The following MAPKAP1 variants were observed in gnomAD, a reference collection of about 807,000 sequenced individuals.
The protein encoded by MAPKAP1 is target of rapamycin complex 2 subunit MAPKAP1.
MAPKAP1 carries 20 observed loss-of-function variants against 65.7 expected under a neutral mutation model. The ratio of observed to expected loss-of-function variants is 0.30; its 90% CI spans 0.21 to 0.44. The LOEUF (loss-of-function observed/expected upper bound fraction) is 0.44. Ranked by LOEUF, MAPKAP1 falls within the 20% of genes least tolerant of loss-of-function variation. The pLI, the probability that MAPKAP1 is intolerant of heterozygous loss-of-function variation, is 1.00. For missense variants in MAPKAP1, 423 were observed against 648.0 expected (o/e 0.65, Z 3.77); for synonymous variants, 222 against 244.3 (o/e 0.91, Z 0.85).
chr9:125,585,625 C>T lies in MAPKAP1; in HGVS notation c.601G>A (p.Ala201Thr), dbSNP rs377752331. Residue 201 changes from alanine to threonine, a missense_variant, in exon 5 of 12, where the codon GCC becomes ACC. By Grantham distance (58) the Ala-to-Thr change is moderately conservative. Transcript: ENST00000265960. ...AGCCCGATCAGGTCCTGCACCCTGG[C>T]GCTGGCCATTGTCACCACGGTCATT... ...LPMTVVTMAS[A>T]RVQDLIGLIC... is the part of the protein sequence containing the mutation. 11 of 1,614,122 alleles carry T rather than the reference C, an allele frequency of 6.8e-6. No homozygotes were observed. The highest frequency in any genetic ancestry group is 2.7e-5 in the African/African-American group (2 of 74,942).
In MAPKAP1 at chr9:125,580,303, T is replaced by C. The variant is rs9695937; in HGVS notation, c.671+5252A>G. The stretch of plus-strand genomic sequence containing the variant: ...AATCAACTCAAATGTCCATCAATGA[T>C]AGACTGGATTAAGAAAATGTGGCAC... On this transcript the variant is annotated intron_variant, in intron 5 of 11. Coordinates refer to ENST00000265960, the MANE Select transcript of MAPKAP1 (RefSeq NM_001006617.3). Among the ~76,000 whole-genome samples, 945 of 152,236 alleles carry C rather than the reference T, an allele frequency of 6.2e-3. 17 individuals are homozygous for C. The highest frequency in any genetic ancestry group is 0.022 in the African/African-American group (909 of 41,530).
intron 2 of MAPKAP1, among the ~76,000 whole-genome samples, chr9:125,670,284 T>A (rs1225375854): frequency 6.6e-6 from 1 of 152,074 alleles, no homozygotes; most frequent in Non-Finnish European, 1.5e-5. Flanking sequence ...AGGAATAAAA[T>A]TACTGTTATG....
intron 4 of MAPKAP1, among the ~76,000 whole-genome samples, chr9:125,636,385 T>C (rs1225766224): frequency 1.3e-5 from 2 of 151,980 alleles, no homozygotes; most frequent in South Asian, 2.1e-4. Context: ...TGAAAATACA[T>C]AGGAAAAAAA....
chr9:125,661,891 A>T (rs1469826753), intron 3 of MAPKAP1, among the ~76,000 whole-genome samples: 1 of 152,210 alleles, frequency 6.6e-6, no homozygotes, highest in Non-Finnish European at 1.5e-5. Context: ...TTTGTTACCC[A>T]GCAAATGACC....
intron 7 of MAPKAP1, among the ~76,000 whole-genome samples, 189 bp from the exon 8 acceptor site, chr9:125,506,606 T>G (rs1206505338): frequency 2.0e-5 from 3 of 152,234 alleles, no homozygotes; most frequent in South Asian, 2.1e-4. Context: ...TCTTCACTGT[T>G]CTATTATCAA....
intron 6 of MAPKAP1, among the ~76,000 whole-genome samples, chr9:125,546,742 C>T (rs1049665286): frequency 4.6e-5 from 7 of 152,088 alleles, no homozygotes; most frequent in African/African-American, 1.4e-4. Flanking sequence ...GAAGGGTGCT[C>T]CTGGTCCTGG....
At chr9:125,702,160 G>A (rs569975731) in intron 1 of MAPKAP1, among the ~76,000 whole-genome samples, 2 of 152,216 alleles carry the variant, frequency 1.3e-5, no homozygotes, top group East Asian at 3.9e-4. Context: ...AATTTGGGAG[G>A]CCATGGCAGG....
At chr9:125,617,975 T>C (rs1196046334) in intron 4 of MAPKAP1, among the ~76,000 whole-genome samples, 2 of 152,216 alleles carry the variant, frequency 1.3e-5, no homozygotes, top group Non-Finnish European at 2.9e-5. Context: ...TAATTTTTTC[T>C]AATTTAAAAC....
At chr9:125,632,331 A>T (rs1251448665) in intron 4 of MAPKAP1, among the ~76,000 whole-genome samples, 3 of 152,192 alleles carry the variant, frequency 2.0e-5, no homozygotes, top group Non-Finnish European at 2.9e-5. Context: ...ACATACCATT[A>T]AATTAGGGAC....
rs1832948007 is a variant in MAPKAP1, at chr9:125,622,823, C to T, written c.498+34828G>A. Among the ~76,000 whole-genome samples, 3 of 139,194 alleles carry T rather than the reference C, an allele frequency of 2.2e-5. No homozygotes were observed. The Admixed American group carries it at 2.2e-4, about 10-fold the overall frequency. The allele number at this position is 139,194 out of a possible 152,430, so 91.3% of individuals were successfully genotyped here. A position where few individuals can be genotyped will look rare whatever the true frequency, so the allele number is the denominator to read the frequency against. On this transcript the variant is annotated intron_variant, in intron 4 of 11. Coordinates refer to ENST00000265960, the MANE Select transcript of MAPKAP1 (RefSeq NM_001006617.3). The stretch of plus-strand genomic sequence containing the variant: ...CTCCCCTCTCCCCTCTCCCCTCTCC[C>T]CTCTCCGTCTCCCCAGTCTCCCTCT...
chr9:125,666,819 C>G (rs1361714154), intron 3 of MAPKAP1, among the ~76,000 whole-genome samples: 1 of 152,108 alleles, frequency 6.6e-6, no homozygotes, highest in Non-Finnish European at 1.5e-5. Context: ...TTCAATACAC[C>G]CAGAGTGCCA....
At position 125,451,569 on chromosome 9, in the gene MAPKAP1, A is replaced by G. The variant is rs114672597; in HGVS notation, c.1346-6971T>C. On this transcript the variant is annotated intron_variant, in intron 10 of 11. Coordinates refer to ENST00000265960, the MANE Select transcript of MAPKAP1 (RefSeq NM_001006617.3). ...GCCACCTCCACATGGCCCCCAGTGC[A>G]GCATGTCCAGAACAGACATCAGCAT... Among the ~76,000 whole-genome samples the G allele has an allele frequency of 3.7e-3, 568 of 152,298 alleles. 6 individuals carry two copies. The highest frequency in any genetic ancestry group is 0.013 in the African/African-American group (546 of 41,566).
At chr9:125,614,383 G>A (rs1193342716) in intron 4 of MAPKAP1, among the ~76,000 whole-genome samples, 4 of 152,130 alleles carry the variant, frequency 2.6e-5, no homozygotes, top group Non-Finnish European at 4.4e-5. Flanking sequence ...CAGCACTTTG[G>A]GAGCCCAAGG....
At chr9:125,487,362 C>G (rs748446493) in intron 8 of MAPKAP1, among the ~76,000 whole-genome samples, 1 of 152,076 alleles carries the variant, frequency 6.6e-6, no homozygotes, top group Non-Finnish European at 1.5e-5. Context: ...AACATAACTG[C>G]CAAAACATGT....
intron 9 of MAPKAP1, among the ~76,000 whole-genome samples, chr9:125,476,056 C>A (rs992103592): frequency 2.6e-5 from 4 of 152,200 alleles, no homozygotes; most frequent in Admixed American, 1.3e-4. Flanking sequence ...TCATTAATAA[C>A]CCTGGGTTAC....
intron 6 of MAPKAP1, among the ~76,000 whole-genome samples, chr9:125,553,163 C>T (rs903895728): frequency 5.3e-5 from 8 of 152,122 alleles, no homozygotes; most frequent in Non-Finnish European, 1.2e-4. Flanking sequence ...TTCCACCCAC[C>T]TGGGGAGCCC....
intron 1 of MAPKAP1, among the ~76,000 whole-genome samples, chr9:125,702,950 G>A (rs1441488004): frequency 6.6e-6 from 1 of 152,120 alleles, no homozygotes; most frequent in Non-Finnish European, 1.5e-5. Flanking sequence ...CTTGAGCCCA[G>A]AATTCAAGGC....
At chr9:125,698,754 T>C (rs1389441954) in intron 1 of MAPKAP1, among the ~76,000 whole-genome samples, 1 of 152,184 alleles carries the variant, frequency 6.6e-6, no homozygotes, top group Non-Finnish European at 1.5e-5. Flanking sequence ...AAAGAGCAGT[T>C]ACAGGCACAA....
chr9:125,660,296 G>A (rs671078), intron 3 of MAPKAP1, among the ~76,000 whole-genome samples: 2 of 152,092 alleles, frequency 1.3e-5, no homozygotes, highest in Non-Finnish European at 1.5e-5. Context: ...AAAGGGGCAC[G>A]AGGGAACTTT....
Sources: gnomAD v4.1 joint callset for allele counts (sites outside exome capture counted in the v4.1 genomes callset) on GRCh38, gnomAD v4.1.1 for gene constraint, MANE v1.5 for transcripts, NCBI Gene and HGNC (gene_info 2026-07-23, HGNC 2026-07-21) for gene names.